Variants in ITFG1 observed in about 807,000 individuals in gnomAD.
The protein encoded by ITFG1 is T-cell immunomodulatory protein.
ITFG1 carries 34 observed loss-of-function variants against 81.8 expected under a neutral mutation model. The observed-to-expected ratio is 0.42, with a 90% confidence interval of 0.32 to 0.55. ITFG1 has a LOEUF of 0.55. ITFG1 is among the 20% of genes least tolerant of loss of function. The probability of loss-of-function intolerance (pLI) is 0.17; values close to 1 mark genes in which losing one functional copy is unlikely to be tolerated. For missense variants in ITFG1, 672 were observed against 755.4 expected (o/e 0.89, Z 1.29); for synonymous variants, 285 against 270.6 (o/e 1.05, Z -0.52).
rs1007620038 is a variant in ITFG1 at position 47,451,385 on chromosome 16, T to C, written c.560+11A>G. On this transcript the variant is annotated intron_variant, in intron 5 of 17. Coordinates refer to ENST00000320640, the MANE Select transcript of ITFG1 (RefSeq NM_030790.5). ...ACGATTAATTACATAGTTATAACCATATTTACTCACCCTCCTAATAGTATC... is the reference window on the plus strand; with the variant it reads ...ACGATTAATTACATAGTTATAACCACATTTACTCACCCTCCTAATAGTATC... The C allele has an allele frequency of 3.5e-6, 5 of 1,432,784 alleles. No individual in the cohort carries two copies. Among genetic ancestry groups the C allele is most frequent in the Non-Finnish European group, 4.9e-6 (5 of 1,021,438 alleles). 88.8% of individuals were successfully genotyped at this position (1,432,784 alleles called of 1,614,324 possible).
chr16:47,457,464 A>G (rs571612815), intron 2 of ITFG1, among the ~76,000 whole-genome samples: 2 of 152,318 alleles, frequency 1.3e-5, no homozygotes, highest in African/African-American at 4.8e-5. Flanking sequence ...AAATTATGTT[A>G]GTTAAAAAAC....
intron 8 of ITFG1, among the ~76,000 whole-genome samples, chr16:47,363,158 CA>C (rs1480238620): frequency 4.6e-5 from 7 of 152,106 alleles, no homozygotes; most frequent in Non-Finnish European, 8.8e-5. Context: ...CTCAGCCTCC[CA>C]AAGTGTTGGC....
At chr16:47,335,776 G>A (rs1328314474) in intron 8 of ITFG1, among the ~76,000 whole-genome samples, 1 of 152,154 alleles carries the variant, frequency 6.6e-6, no homozygotes, top group East Asian at 1.9e-4. Flanking sequence ...ATACATTCCT[G>A]GTAGTAACAA....
At chr16:47,339,117 T>C (rs1056378877) in intron 8 of ITFG1, among the ~76,000 whole-genome samples, 5 of 152,246 alleles carry the variant, frequency 3.3e-5, no homozygotes, top group African/African-American at 9.6e-5. Flanking sequence ...CTCCATGTTG[T>C]TGCAAATGAT....
chr16:47,271,542 TAC>T (rs1364077305), intron 10 of ITFG1, among the ~76,000 whole-genome samples: 1 of 152,206 alleles, frequency 6.6e-6, no homozygotes, highest in Non-Finnish European at 1.5e-5. Context: ...TGCTTTGAAA[TAC>T]AGTCTGGTGG....
chr16:47,273,583 G>C (rs1966365849), intron 10 of ITFG1, among the ~76,000 whole-genome samples: 1 of 152,104 alleles, frequency 6.6e-6, no homozygotes, highest in Non-Finnish European at 1.5e-5. Context: ...TCAGTGTCTA[G>C]GATATGTGAC....
chr16:47,352,829 C>G (rs1414272602), intron 8 of ITFG1, among the ~76,000 whole-genome samples: 1 of 152,166 alleles, frequency 6.6e-6, no homozygotes, highest in African/African-American at 2.4e-5. Flanking sequence ...CAATGACAGA[C>G]TGGATTACGA....
chr16:47,416,445 A>G (rs964008919), intron 6 of ITFG1, among the ~76,000 whole-genome samples: 3 of 152,158 alleles, frequency 2.0e-5, no homozygotes, highest in African/African-American at 7.2e-5. Context: ...ATTTCAGCTA[A>G]AGCTTATTGT....
intron 12 of ITFG1, among the ~76,000 whole-genome samples, chr16:47,242,440 A>G (rs1965945848): frequency 6.6e-6 from 1 of 152,076 alleles, no homozygotes; most frequent in Admixed American, 6.5e-5. Flanking sequence ...ATTGTCTGTA[A>G]GGAAAATAAT....
chr16:47,422,635 T>C (rs745583512), intron 6 of ITFG1, among the ~76,000 whole-genome samples: 8 of 152,202 alleles, frequency 5.3e-5, no homozygotes, highest in Non-Finnish European at 1.0e-4. Context: ...CTTTCTTTGG[T>C]TGGTAGGCTA....
chr16:47,342,508 G>C (rs1967797494), intron 8 of ITFG1, among the ~76,000 whole-genome samples: 1 of 152,066 alleles, frequency 6.6e-6, no homozygotes, highest in Non-Finnish European at 1.5e-5. Flanking sequence ...AGAGCAATTA[G>C]ACAGGGAAAG....
At chr16:47,459,446 G>C (rs118121663) in intron 1 of ITFG1, among the ~76,000 whole-genome samples, 1 of 152,176 alleles carries the variant, frequency 6.6e-6, no homozygotes, top group African/African-American at 2.4e-5. Context: ...GATTCTGCGA[G>C]GAGTCAGATT....
intron 6 of ITFG1, among the ~76,000 whole-genome samples, chr16:47,409,438 C>G (rs1426339301): frequency 3.9e-5 from 1 of 25,558 alleles, no homozygotes; most frequent in Non-Finnish European, 8.4e-5. Flanking sequence ...TTTTTGGAGA[C>G]AGAGTCTCAC....
intron 8 of ITFG1, among the ~76,000 whole-genome samples, chr16:47,322,928 C>T (rs1212725841): frequency 6.6e-6 from 1 of 152,098 alleles, no homozygotes; most frequent in Non-Finnish European, 1.5e-5. Flanking sequence ...GATTATTTTT[C>T]TCTTGCCAAG....
chr16:47,457,636 T>C (rs1969470877), intron 2 of ITFG1, among the ~76,000 whole-genome samples: 1 of 152,196 alleles, frequency 6.6e-6, no homozygotes, highest in East Asian at 1.9e-4. Flanking sequence ...AGAATAGTTA[T>C]TTTTACTTTG....
At chr16:47,409,412 T>A (rs1398886461) in intron 6 of ITFG1, among the ~76,000 whole-genome samples, 273 of 44,698 alleles carry the variant, frequency 6.1e-3, no homozygotes, top group East Asian at 0.019. Flanking sequence ...ATATTTTTTT[T>A]TTTTTTTTTT....
intron 14 of ITFG1, among the ~76,000 whole-genome samples, chr16:47,201,357 C>T (rs572165870): frequency 2.6e-5 from 4 of 151,654 alleles, no homozygotes; most frequent in East Asian, 3.9e-4. Context: ...TACAGGTGCC[C>T]GCCAACATGC....
intron 13 of ITFG1, among the ~76,000 whole-genome samples, chr16:47,237,007 C>T (rs899935603): frequency 2.0e-5 from 3 of 152,164 alleles, no homozygotes; most frequent in Admixed American, 2.0e-4. Context: ...GTTCAAAAGC[C>T]GCGCCCCTCT....
intron 10 of ITFG1, among the ~76,000 whole-genome samples, chr16:47,309,198 A>T (rs1967218880): frequency 6.6e-6 from 1 of 150,886 alleles, no homozygotes; most frequent in African/African-American, 2.4e-5. Flanking sequence ...CCTCCCAAGT[A>T]GCTGGGACTA....
Sources: allele counts gnomAD v4.1 joint callset (sites outside exome capture counted in the v4.1 genomes callset), GRCh38; gene constraint gnomAD v4.1.1; transcripts MANE v1.5; gene names NCBI Gene and HGNC (gene_info 2026-07-23, HGNC 2026-07-21).